The following GAS7 variants were observed in gnomAD, a reference collection of about 807,000 sequenced individuals.
GAS7 encodes the protein growth arrest specific 7, also known as growth arrest-specific protein 7.
In GAS7, 28 loss-of-function variants were observed where a neutral mutation model predicts 71.1. The observed-to-expected ratio is 0.39, with a 90% CI of 0.29 to 0.54. The LOEUF (loss-of-function observed/expected upper bound fraction) is 0.54, where lower values mean the gene tolerates loss of function less well. Ranked by LOEUF, GAS7 falls within the 20% of genes least tolerant of loss-of-function variation. GAS7 has a pLI of 0.62. For missense variants in GAS7, 436 were observed against 627.8 expected (o/e 0.69, Z 3.27); for synonymous variants, 258 against 245.8 (o/e 1.05, Z -0.46).
intron 2 of GAS7, among the ~76,000 whole-genome samples, chr17:9,998,669 CAGAA>C (rs2071141617): frequency 7.4e-6 from 1 of 134,596 alleles, no homozygotes; most frequent in South Asian, 2.4e-4. Context: ...CAGACAAAGA[CAGAA>C]AGACAGAAAA....
chr17:9,921,803 T>C (rs965967471), intron 11 of GAS7, among the ~76,000 whole-genome samples: 1 of 151,650 alleles, frequency 6.6e-6, no homozygotes, highest in African/African-American at 2.4e-5. Context: ...ACTAAAAATA[T>C]AAAAAATTAG....
At chr17:10,097,557 G>A (rs1285758612) in intron 1 of GAS7, among the ~76,000 whole-genome samples, 1 of 152,162 alleles carries the variant, frequency 6.6e-6, no homozygotes, top group African/African-American at 2.4e-5. Context: ...CAAGCACAAA[G>A]CCCTGGCCTC....
chr17:9,975,448 C>A (rs1276182332), intron 3 of GAS7, among the ~76,000 whole-genome samples: 4 of 150,186 alleles, frequency 2.7e-5, no homozygotes, highest in African/African-American at 1.0e-4. Context: ...CTTCCCCTCT[C>A]TTCTTCCCTC....
chr17:9,930,183 T>C (rs945541147), intron 9 of GAS7, among the ~76,000 whole-genome samples: 2 of 152,210 alleles, frequency 1.3e-5, no homozygotes, highest in African/African-American at 4.8e-5. Flanking sequence ...TAAATACTGT[T>C]TTATGAAACG....
chr17:10,112,785 G>GAA (rs1567596905), intron 1 of GAS7, among the ~76,000 whole-genome samples: 14 of 63,902 alleles, frequency 2.2e-4, no homozygotes, highest in East Asian at 1.2e-3. Flanking sequence ...AAGAGAGAAA[G>GAA]AGAAAGAAAG....
intron 4 of GAS7, among the ~76,000 whole-genome samples, chr17:9,968,748 A>G (rs1159811314): frequency 6.6e-6 from 1 of 152,210 alleles, no homozygotes; most frequent in Non-Finnish European, 1.5e-5. Context: ...TATGTTAAGT[A>G]TAGATTTCCT....
intron 1 of GAS7, among the ~76,000 whole-genome samples, chr17:10,127,969 G>C (rs529215234): frequency 9.8e-5 from 15 of 152,300 alleles, no homozygotes; most frequent in African/African-American, 3.6e-4. Context: ...CTGGGGCTTA[G>C]CTAATCCTCT....
intron 1 of GAS7, among the ~76,000 whole-genome samples, chr17:10,094,017 T>A (rs908776541): frequency 3.3e-5 from 5 of 152,266 alleles, no homozygotes; most frequent in Admixed American, 2.6e-4. Flanking sequence ...GATGGGTACA[T>A]CAAATCAGCT....
rs1013868071 is a variant in GAS7, at chr17:9,911,065, C to T, written c.*6163G>A. On this transcript the variant is annotated 3_prime_UTR_variant, in exon 14 of 14. Transcript: ENST00000432992. The surrounding 1 kb of genome is among the most constrained non-coding windows in gnomAD (Gnocchi z 4.0). ...GGGGTTGCTTCCGGTCATCTCCTTC[C>T]TAACGGAAGGGAAGGGATGCTAAGT... 9 of 233,090 alleles carry T rather than the reference C, an allele frequency of 3.9e-5. No individual in the cohort carries two copies. The highest frequency in any genetic ancestry group is 1.3e-4 in the African/African-American group (6 of 45,306). The allele number at this position is 233,090 out of a possible 1,614,324, so 14.4% of individuals were successfully genotyped here.
At chr17:10,156,820 G>A (rs1219311160) in intron 1 of GAS7, among the ~76,000 whole-genome samples, 1 of 151,932 alleles carries the variant, frequency 6.6e-6, no homozygotes, top group African/African-American at 2.4e-5. Flanking sequence ...CTCTGGGCGT[G>A]CTTCCCCATC....
intron 1 of GAS7, chr17:10,061,262 C>T (rs558680664): frequency 6.6e-6 from 1 of 152,338 alleles, no homozygotes; most frequent in South Asian, 2.1e-4. Flanking sequence ...TTGCTGGCTC[C>T]GAAGCCACAC....
Position 9,926,878 on chromosome 17 carries a change from G to C in GAS7, c.886-109C>G. 4.1e-6 allele frequency: 5 copies of C among 1,212,424 alleles called. No individual in the cohort carries two copies. The highest frequency in any genetic ancestry group is 6.1e-6 in the Non-Finnish European group (5 of 824,978). The allele number at this position is 1,212,424 out of a possible 1,614,324, so 75.1% of individuals were successfully genotyped here. On this transcript the variant is annotated intron_variant, in intron 9 of 13. Coordinates refer to ENST00000432992, the MANE Select transcript of GAS7 (RefSeq NM_201433.2). The surrounding 1 kb of genome is among the most constrained non-coding windows in gnomAD (Gnocchi z 5.0). ...CCCACTTCCCCAGGCAAGTGAGGAT[G>C]AGTCTGGGGTAGCGACCTGGCAGGA...
At chr17:10,046,001 A>T (rs1046301380) in intron 1 of GAS7, among the ~76,000 whole-genome samples, 5 of 152,220 alleles carry the variant, frequency 3.3e-5, no homozygotes, top group Non-Finnish European at 5.9e-5. Context: ...ATATAACTTT[A>T]AAACTGTCAT....
intron 9 of GAS7, among the ~76,000 whole-genome samples, chr17:9,932,653 G>T (rs574017251): frequency 6.6e-6 from 1 of 152,304 alleles, no homozygotes; most frequent in South Asian, 2.1e-4. Flanking sequence ...GGGGAAGGGA[G>T]AGTCACTTGG....
At chr17:10,020,059 G>T (rs764146481) in intron 1 of GAS7, 162 bp from the exon 2 acceptor site, 4 of 642,290 alleles carry the variant, frequency 6.2e-6, no homozygotes, top group Admixed American at 2.8e-5. Flanking sequence ...CGTGACCTCC[G>T]GGGTTGCGTG....
chr17:9,983,650 C>T (rs36121773), intron 2 of GAS7, among the ~76,000 whole-genome samples: 44,796 of 150,866 alleles, frequency 0.3, 6,839 homozygotes, highest in Middle Eastern at 0.35. Flanking sequence ...TAGCTGGGCG[C>T]GATGGTGTGT....
At chr17:9,924,574 G>C (rs1961200697) in intron 11 of GAS7, 2 of 142,542 alleles carry the variant, frequency 1.4e-5, no homozygotes. Context: ...TCTACTTCTT[G>C]ATCCTGTAAT....
intron 2 of GAS7, among the ~76,000 whole-genome samples, chr17:10,007,222 A>G (rs1209369136): frequency 1.3e-5 from 2 of 152,216 alleles, no homozygotes; most frequent in Non-Finnish European, 2.9e-5. Flanking sequence ...TCTGTGATAG[A>G]ATCTGCGTAT....
rs1304375792 is a variant in GAS7, at chr17:9,916,995, G to A, written c.*233C>T. On this transcript the variant is annotated 3_prime_UTR_variant, in exon 14 of 14. Transcript: ENST00000432992. ...AGCGGCAAGCACAGCATGGGAGTCA[G>A]GGGGTCTTCAGCCTCAGAGACAAGG... is the stretch of plus-strand genomic sequence containing the variant. The A allele has an allele frequency of 1.7e-6, 1 of 571,910 alleles. No individual in the cohort carries two copies. The highest frequency in any genetic ancestry group is 3.1e-6 in the Non-Finnish European group (1 of 320,368). 35.4% of individuals were successfully genotyped at this position (571,910 alleles called of 1,614,324 possible).
Sources: allele counts gnomAD v4.1 joint callset (sites outside exome capture counted in the v4.1 genomes callset), GRCh38; gene constraint gnomAD v4.1.1; non-coding constraint Gnocchi (gnomAD v3.1); transcripts MANE v1.5; gene names NCBI Gene and HGNC (gene_info 2026-07-23, HGNC 2026-07-21).